Variants in NOS1 observed in about 807,000 individuals in gnomAD.
The protein encoded by NOS1 is nitric oxide synthase 1.
A neutral mutation model predicts 164.5 loss-of-function variants in NOS1; 51 were observed. The observed-to-expected ratio is 0.31, with a 90% CI of 0.25 to 0.39. The LOEUF is 0.39. Ranked by LOEUF, NOS1 falls within the 10% of genes least tolerant of loss-of-function variation. The pLI, the probability that NOS1 is intolerant of heterozygous loss-of-function variation, is 1.00. For synonymous variants in NOS1, 719 were observed against 745.8 expected (o/e 0.96, Z 0.59); for missense variants, 1,362 against 1,885.6 (o/e 0.72, Z 5.14).
In NOS1 at chr12:117,213,337, T is replaced by G; in HGVS notation, c.*1972A>C. The G allele has an allele frequency of 2.0e-6, 2 of 985,504 alleles. No individual in the cohort carries two copies. The highest frequency in any genetic ancestry group is 2.4e-6 in the Non-Finnish European group (2 of 829,978). The allele number at this position is 985,504 out of a possible 1,614,324, so 61.0% of individuals were successfully genotyped here. ...GGGTTTGCAGGAAAGGAGTTTAGAA[T>G]GGGCTTCCCTTCAGGATTAGAAGGG... On this transcript the variant is annotated 3_prime_UTR_variant, in exon 29 of 29. Transcript: ENST00000317775.
intron 25 of NOS1, among the ~76,000 whole-genome samples, chr12:117,224,451 A>G (rs1378842973): frequency 6.6e-6 from 1 of 151,958 alleles, no homozygotes; most frequent in Non-Finnish European, 1.5e-5. Flanking sequence ...ACGCCGGGCT[A>G]AATTTTGTAT....
intron 3 of NOS1, among the ~76,000 whole-genome samples, chr12:117,304,495 G>A (rs907901971): frequency 1.3e-5 from 2 of 152,128 alleles, no homozygotes; most frequent in Admixed American, 6.5e-5. Flanking sequence ...ACACACATCC[G>A]TGAGGGTCTC....
Position 117,272,481 on chromosome 12 carries a change from G to A in NOS1, c.1743C>T (p.Gly581=), listed in dbSNP as rs749879535. The A allele has an allele frequency of 6.2e-7, 1 of 1,614,152 alleles. No homozygotes were observed. Among genetic ancestry groups the A allele is most frequent in the South Asian group, 1.1e-5 (1 of 91,082 alleles). Residue 581 remains glycine, a synonymous_variant, in exon 10 of 29, where the codon GGC becomes GGT. Transcript: ENST00000317775. The surrounding 1 kb of genome is among the most constrained non-coding windows in gnomAD (Gnocchi z 4.3). ...TGAAGGGACAGGCGCTGAACTCCAGGCCGCCAATCTCTAGGAGCATGTTGG... is the reference window on the plus strand; with the variant it reads ...TGAAGGGACAGGCGCTGAACTCCAGACCGCCAATCTCTAGGAGCATGTTGG... ...AVSNMLLEIG[G]LEFSACPFSG...
Position 117,231,992 on chromosome 12 carries a change from C to T in NOS1, c.3375G>A (p.Lys1125=), listed in dbSNP as rs1869276224. The change falls in exon 22 of 29, where the codon AAG becomes AAA. Residue 1125 remains lysine, a synonymous_variant. Coordinates refer to ENST00000317775, the MANE Select transcript of NOS1 (RefSeq NM_000620.5). ...TGAGGACCAGCAGACGCTGCTTCTC[C>T]TTCTCGCTGGTAGCTAGGGAGGCAA... ...QQFASLATSE[K]EKQRLLVLSK... The T allele has an allele frequency of 6.2e-7, 1 of 1,612,890 alleles. No individual in the cohort carries two copies. Among genetic ancestry groups the T allele is most frequent in the African/African-American group, 1.3e-5 (1 of 75,034 alleles).
At chr12:117,277,812 C>A (rs374423653) in intron 9 of NOS1, 147 bp downstream of exon 9, 147 of 938,814 alleles carry the variant, frequency 1.6e-4, no homozygotes, top group South Asian at 1.3e-3. Context: ...TCTGCCCAAG[C>A]CCGCAGTGAG....
rs1243534148 is a variant in NOS1, at chr12:117,234,065, G to C, written c.3235+500C>G. On this transcript the variant is annotated intron_variant, in intron 21 of 28. Coordinates refer to ENST00000317775, the MANE Select transcript of NOS1 (RefSeq NM_000620.5). This position sits in a 1 kb window ranked among gnomAD's most constrained non-coding sequence, Gnocchi z 4.3. The stretch of plus-strand genomic sequence containing the variant: ...TTTGCCTTTGAAAGTTCTTCAATAT[G>C]AATGTCAAGGATGGACACTTAAGCA... 6.6e-6 allele frequency among the ~76,000 whole-genome samples: 1 copy of C among 152,166 alleles called. No homozygotes were observed. Among genetic ancestry groups the C allele is most frequent in the East Asian group, 1.9e-4 (1 of 5,182 alleles).
At chr12:117,286,033 A>G in intron 6 of NOS1, 71 bp downstream of exon 6, 1 of 1,547,932 alleles carries the variant, frequency 6.5e-7, no homozygotes, top group Non-Finnish European at 8.8e-7. Context: ...TCCTTTTTAA[A>G]GCTCCATCCA....
intron 6 of NOS1, among the ~76,000 whole-genome samples, 156 bp downstream of exon 6, chr12:117,285,948 A>G (rs1264265898): frequency 6.6e-6 from 1 of 152,142 alleles, no homozygotes. Context: ...GCTGGCTGTG[A>G]TCTTGGAATG....
chr12:117,226,469 C>T (rs1868683835), intron 24 of NOS1, among the ~76,000 whole-genome samples: 1 of 152,124 alleles, frequency 6.6e-6, no homozygotes, highest in Admixed American at 6.5e-5. Context: ...ATGTGTGTTG[C>T]ATTGACTTGA....
chr12:117,359,030 C>CCT, intron 1 of NOS1, among the ~76,000 whole-genome samples: 1 of 152,354 alleles, frequency 6.6e-6, no homozygotes, highest in Admixed American at 6.5e-5. Context: ...GTTTGCCCCA[C>CCT]CTCAATTTCC....
chr12:117,314,811 T>G (rs1236505756), intron 2 of NOS1, among the ~76,000 whole-genome samples: 1 of 152,198 alleles, frequency 6.6e-6, no homozygotes, highest in Non-Finnish European at 1.5e-5. Context: ...TTCACCATGT[T>G]GGCCAGGCTG....
chr12:117,320,363 C>A (rs1874859036), intron 2 of NOS1, among the ~76,000 whole-genome samples: 1 of 152,048 alleles, frequency 6.6e-6, no homozygotes, highest in African/African-American at 2.4e-5. Flanking sequence ...ACCACGGAAG[C>A]AAGATGCTCT....
chr12:117,289,190 C>T (rs1053120981), intron 4 of NOS1, among the ~76,000 whole-genome samples: 1 of 152,178 alleles, frequency 6.6e-6, no homozygotes, highest in African/African-American at 2.4e-5. Context: ...TGAGGACACA[C>T]TGTGAAATCA....
chr12:117,269,353 T>C (rs574093635), intron 10 of NOS1, among the ~76,000 whole-genome samples: 1 of 151,714 alleles, frequency 6.6e-6, no homozygotes, highest in Non-Finnish European at 1.5e-5. Flanking sequence ...TAAGGGGTAA[T>C]TGGTGGGAGT....
intron 2 of NOS1, among the ~76,000 whole-genome samples, chr12:117,329,289 A>G (rs1875410180): frequency 6.6e-6 from 1 of 152,148 alleles, no homozygotes; most frequent in Non-Finnish European, 1.5e-5. Flanking sequence ...ACATTTGTTA[A>G]ATGAGTGAAT....
At chr12:117,293,885 T>C (rs1023204595) in intron 3 of NOS1, among the ~76,000 whole-genome samples, 1 of 152,118 alleles carries the variant, frequency 6.6e-6, no homozygotes, top group Admixed American at 6.5e-5. Context: ...CCCTAGGAAG[T>C]TGGATACAAA....
intron 12 of NOS1, among the ~76,000 whole-genome samples, chr12:117,264,389 C>T (rs548990089): frequency 1.3e-5 from 2 of 152,120 alleles, no homozygotes; most frequent in Non-Finnish European, 2.9e-5. Flanking sequence ...CCTCCTAACT[C>T]AGCCTCCCAA....
chr12:117,335,222 C>T (rs956869469), intron 1 of NOS1, among the ~76,000 whole-genome samples: 2 of 152,064 alleles, frequency 1.3e-5, no homozygotes, highest in Non-Finnish European at 2.9e-5. Flanking sequence ...GTACTTCAGG[C>T]GCCATGTAGA....
chr12:117,333,655 C>T (rs1300539192), intron 1 of NOS1, among the ~76,000 whole-genome samples: 2 of 152,200 alleles, frequency 1.3e-5, no homozygotes, highest in Non-Finnish European at 2.9e-5. Context: ...GCCTGGGCTG[C>T]GTTCTCCATC....
Sources: gnomAD v4.1 joint callset for allele counts (sites outside exome capture counted in the v4.1 genomes callset) on GRCh38, gnomAD v4.1.1 for gene constraint, Gnocchi (gnomAD v3.1) non-coding constraint, MANE v1.5 for transcripts, NCBI Gene and HGNC (gene_info 2026-07-23, HGNC 2026-07-21) for gene names.